Variants in ALDH16A1 observed in about 807,000 individuals in gnomAD.
The protein encoded by ALDH16A1 is aldehyde dehydrogenase family 16 member A1.
In ALDH16A1, 88 loss-of-function variants were observed where a neutral mutation model predicts 96.1. The ratio of observed to expected loss-of-function variants is 0.92; its 90% CI spans 0.77 to 1.09. ALDH16A1 has a LOEUF of 1.09. Among genes scored for constraint, ALDH16A1 ranks in the 50% least tolerant of loss-of-function variants. The pLI is 0.00. For missense variants in ALDH16A1, 1,250 were observed against 1,112.6 expected (o/e 1.12, Z -1.76); for synonymous variants, 522 against 496.4 (o/e 1.05, Z -0.69).
chr19:49,453,265 C>A lies in ALDH16A1; in HGVS notation c.-67C>A. On this transcript the variant is annotated 5_prime_UTR_variant, in exon 1 of 17. Coordinates refer to ENST00000293350, the MANE Select transcript of ALDH16A1 (RefSeq NM_153329.4). Reference sequence around the variant, plus strand: ...GGCTGGAACCGGAGGTGTCGCTCTTCGGACCTCAAGGTTCCCCTTAACACA... The same window carrying A: ...GGCTGGAACCGGAGGTGTCGCTCTTAGGACCTCAAGGTTCCCCTTAACACA... The A allele has an allele frequency of 7.1e-7, 1 of 1,410,408 alleles. No homozygotes were observed. Among genetic ancestry groups the A allele is most frequent in the Non-Finnish European group, 9.5e-7 (1 of 1,050,756 alleles). The allele number at this position is 1,410,408 out of a possible 1,614,324, so 87.4% of individuals were successfully genotyped here.
Position 49,468,899 on chromosome 19 carries a change from CGTG to C in ALDH16A1, c.2164_2166del (p.Val722del). 6.2e-7 allele frequency: 1 copy of C among 1,614,006 alleles called. No individual in the cohort carries two copies. Among genetic ancestry groups the C allele is most frequent in the Non-Finnish European group, 8.5e-7 (1 of 1,180,002 alleles). ...CCGTGTTCCCAGCAGGCCTGGCCAA[CGTG>C]GTGACAGGAGACCGGGACCATCTGA... On this transcript the variant is annotated inframe_deletion, in exon 16 of 17. Transcript: ENST00000293350. The surrounding 1 kb of genome is among the most constrained non-coding windows in gnomAD (Gnocchi z 4.4).
rs776172585 is a variant in ALDH16A1, at chr19:49,464,629, CAG to C, written c.1438-2_1438-1del. ...CATCCTCTTGACACCGTCCCTCTCA[CAG>C]GGGCTGTATGAGTATCTGCGGCCCT... On this transcript the variant is annotated splice_acceptor_variant, in intron 11 of 16. Coordinates refer to ENST00000293350, the MANE Select transcript of ALDH16A1 (RefSeq NM_153329.4). LOFTEE classifies it high-confidence loss of function. The C allele has an allele frequency of 3.1e-6, 5 of 1,614,136 alleles. No individual in the cohort carries two copies. The highest frequency in any genetic ancestry group is 3.4e-6 in the Non-Finnish European group (4 of 1,180,006).
chr19:49,461,005 C>T, intron 5 of ALDH16A1, 106 bp downstream of exon 5: 1 of 1,252,356 alleles, frequency 8.0e-7, no homozygotes, highest in Non-Finnish European at 1.2e-6. Context: ...GGCCTGGACT[C>T]TGTGGAAGGA....
In ALDH16A1 at chr19:49,468,093, G is replaced by A. The variant is rs1245221737; in HGVS notation, c.1939-288G>A. Among the ~76,000 whole-genome samples the A allele has an allele frequency of 2.7e-5, 4 of 150,780 alleles. No homozygotes were observed. The highest frequency in any genetic ancestry group is 3.9e-4 in the East Asian group (2 of 5,146). On this transcript the variant is annotated intron_variant, in intron 14 of 16. Coordinates refer to ENST00000293350, the MANE Select transcript of ALDH16A1 (RefSeq NM_153329.4). This position sits in a 1 kb window ranked among gnomAD's most constrained non-coding sequence, Gnocchi z 4.4. ...GAGAATGGCGTGAACCCGGGAGGCG[G>A]AGGTTGCAGTGAGCCAAGATCGCAC...
At chr19:49,467,747 C>T (rs1164552895) in intron 14 of ALDH16A1, among the ~76,000 whole-genome samples, 1 of 151,812 alleles carries the variant, frequency 6.6e-6, no homozygotes, top group Admixed American at 6.6e-5. Flanking sequence ...GTGCAGAACG[C>T]GCAGGCTTGT....
Position 49,459,379 on chromosome 19 carries a change from A to G in ALDH16A1, c.321-291A>G, listed in dbSNP as rs2079124466. 6.6e-6 allele frequency among the ~76,000 whole-genome samples: 1 copy of G among 152,212 alleles called. No homozygotes were observed. Among genetic ancestry groups the G allele is most frequent in the African/African-American group, 2.4e-5 (1 of 41,454 alleles). On this transcript the variant is annotated intron_variant, in intron 3 of 16. Transcript: ENST00000293350. This position sits in a 1 kb window ranked among gnomAD's most constrained non-coding sequence, Gnocchi z 4.1. ...TCCATTTCCTAGCCGCTTGCGGGGA[A>G]GCTAGAGACAAAAATTCCATTTCCC...
chr19:49,461,434 G>GA lies in ALDH16A1; in HGVS notation c.578-185_578-184insA, dbSNP rs1269597064. ...CTGGGTCTGAGGGAGGAGGGGCTGG[G>GA]CCTGGACTCCGGGGTCTGAGGGAGG... is the stretch of plus-strand genomic sequence containing the variant. On this transcript the variant is annotated intron_variant, in intron 5 of 16. Transcript: ENST00000293350. Among the ~76,000 whole-genome samples the GA allele has an allele frequency of 3.0e-3, 148 of 49,598 alleles. 2 individuals carry two copies. The highest frequency in any genetic ancestry group is 4.5e-3 in the African/African-American group (53 of 11,882). 32.5% of individuals were successfully genotyped at this position (49,598 alleles called of 152,430 possible).
intron 9 of ALDH16A1, 42 bp from the exon 10 acceptor site, chr19:49,464,085 G>T (rs369745354): frequency 1.5e-4 from 235 of 1,593,380 alleles, no homozygotes; most frequent in Non-Finnish European, 1.9e-4. Context: ...TTCCCTGGTG[G>T]GTGGGCCCTG....
In ALDH16A1 at chr19:49,464,255, G is replaced by A; in HGVS notation, c.1323G>A (p.Leu441=). Reference sequence around the variant, plus strand: ...AGAGGCTGGGGCAGGCGCTGGAGCTGGGCTATGGGTCAGTCTGCGTGGCCC... The same window carrying A: ...AGAGGCTGGGGCAGGCGCTGGAGCTAGGCTATGGGTCAGTCTGCGTGGCCC... ...WSERLGQALE[L]GYGLQVGTVW... Residue 441 remains leucine, a synonymous_variant, in exon 10 of 17, where the codon CTG becomes CTA. Coordinates refer to ENST00000293350, the MANE Select transcript of ALDH16A1 (RefSeq NM_153329.4). The A allele has an allele frequency of 7.5e-6, 12 of 1,602,316 alleles. No individual in the cohort carries two copies. Among genetic ancestry groups the A allele is most frequent in the Non-Finnish European group, 1.0e-5 (12 of 1,179,296 alleles).
In ALDH16A1 at chr19:49,464,469, G is replaced by A. The variant is rs761695664; in HGVS notation, c.1384G>A (p.Val462Met). The A allele has an allele frequency of 3.1e-6, 5 of 1,612,474 alleles. No individual in the cohort carries two copies. Among genetic ancestry groups the A allele is most frequent in the Non-Finnish European group, 4.2e-6 (5 of 1,179,510 alleles). ...INAHGLRDPS[V>M]PTGGCKESGC... ...CGCCCACGGCCTCAGAGACCCTTCG[G>A]TGCCCACAGGCGGCTGCAAGGAGAG... Residue 462 changes from valine (V) to methionine (M), a missense_variant, in exon 11 of 17, where the codon GTG becomes ATG. By Grantham distance (21) the Val-to-Met change is conservative. Coordinates refer to ENST00000293350, the MANE Select transcript of ALDH16A1 (RefSeq NM_153329.4).
In ALDH16A1 at chr19:49,459,179, G is replaced by A; in HGVS notation, c.320+93G>A. On this transcript the variant is annotated intron_variant, in intron 3 of 16. Transcript: ENST00000293350. The surrounding 1 kb of genome is among the most constrained non-coding windows in gnomAD (Gnocchi z 4.1). The stretch of plus-strand genomic sequence containing the variant: ...AAAGGCTATTTCCCAAGATCCCACT[G>A]AATTAATTTGCAGCTAAGGCTCAGA... 3.0e-5 allele frequency: 46 copies of A among 1,517,382 alleles called. No individual in the cohort carries two copies. The highest frequency in any genetic ancestry group is 3.9e-5 in the Non-Finnish European group (44 of 1,133,686). 94.0% of individuals were successfully genotyped at this position (1,517,382 alleles called of 1,614,324 possible). A position where few individuals can be genotyped will look rare whatever the true frequency, so the allele number is the denominator to read the frequency against.
chr19:49,469,161 C>T, intron 16 of ALDH16A1, 175 bp downstream of exon 16: 1 of 952,232 alleles, frequency 1.1e-6, no homozygotes, highest in Non-Finnish European at 1.5e-6. Flanking sequence ...AAGAGGCTGT[C>T]CTTAGCAACA....
At position 49,463,873 on chromosome 19, in the gene ALDH16A1, T is replaced by A. The variant is rs1356451123; in HGVS notation, c.1118T>A (p.Val373Glu). ...CCCTAGGTGTTCCAGGCTGGTGATGTGCCTTCGGAACGCCCATTCTATCCC... is the reference window on the plus strand; with the variant it reads ...CCCTAGGTGTTCCAGGCTGGTGATGAGCCTTCGGAACGCCCATTCTATCCC... ...QGAQVFQAGD[V>E]PSERPFYPPT... Residue 373 changes from valine to glutamate, a missense_variant, in exon 9 of 17, where the codon GTG becomes GAG. By Grantham distance (121) the Val-to-Glu change is moderately radical. Transcript: ENST00000293350. 1 of 1,613,370 alleles carries A rather than the reference T, an allele frequency of 6.2e-7. No homozygotes were observed. Among genetic ancestry groups the A allele is most frequent in the East Asian group, 2.2e-5 (1 of 44,888 alleles).
At chr19:49,455,596 T>TG (rs1403651014) in intron 1 of ALDH16A1, among the ~76,000 whole-genome samples, 1 of 150,390 alleles carries the variant, frequency 6.6e-6, no homozygotes, top group Non-Finnish European at 1.5e-5. Context: ...CTGTCCCCCC[T>TG]GAAAAAAAAA....
At chr19:49,466,008 C>G in intron 13 of ALDH16A1, 74 bp from the exon 14 acceptor site, 1 of 1,539,210 alleles carries the variant, frequency 6.5e-7, no homozygotes, top group East Asian at 2.4e-5. Flanking sequence ...AGGGTAGGGG[C>G]TGTGGACAGA....
chr19:49,462,894 T>A lies in ALDH16A1; in HGVS notation c.1098+139T>A, dbSNP rs1436719145. 75 of 586,672 alleles carry A rather than the reference T, an allele frequency of 1.3e-4. No individual in the cohort carries two copies. The African/African-American group carries it at 1.6e-3, about 12-fold the overall frequency. The allele number at this position is 586,672 out of a possible 1,614,324, so 36.3% of individuals were successfully genotyped here. On this transcript the variant is annotated intron_variant, in intron 8 of 16. Transcript: ENST00000293350. ...GGGGCTGGGAGCCTGGACTCCTGGG[T>A]CTGAAGGAGGAGGGGCTGGGCCTGG... is the stretch of plus-strand genomic sequence containing the variant.
intron 1 of ALDH16A1, 139 bp downstream of exon 1, chr19:49,453,560 A>G: frequency 1.2e-6 from 1 of 807,996 alleles, no homozygotes; most frequent in Non-Finnish European, 1.9e-6. Flanking sequence ...GCCGCCCAAT[A>G]GGATCGCGCC....
chr19:49,453,809 C>T (rs1216164621), intron 1 of ALDH16A1, among the ~76,000 whole-genome samples: 1 of 152,058 alleles, frequency 6.6e-6, no homozygotes, highest in East Asian at 1.9e-4. Context: ...CTTTCCACGA[C>T]TCTTCAAAAC....
chr19:49,462,651 AG>A lies in ALDH16A1; in HGVS notation c.995del (p.Ser332MetfsTer170). On this transcript the variant is annotated frameshift_variant, in exon 8 of 17. Coordinates refer to ENST00000293350, the MANE Select transcript of ALDH16A1 (RefSeq NM_153329.4). LOFTEE classifies it high-confidence loss of function. ...GCAGGAGCGGATGGGGCGGCTTCGG[AG>A]TGGCCGAGGGCTGGATGGGGCCGTG... ...RLQERMGRLR[S>X]GRGLDGAVDM... 6.2e-7 allele frequency: 1 copy of A among 1,612,240 alleles called. No individual in the cohort carries two copies. The highest frequency in any genetic ancestry group is 2.2e-5 in the East Asian group (1 of 44,846).
Sources: gnomAD v4.1 joint callset for allele counts (sites outside exome capture counted in the v4.1 genomes callset) on GRCh38, gnomAD v4.1.1 for gene constraint, Gnocchi (gnomAD v3.1) non-coding constraint, MANE v1.5 for transcripts, NCBI Gene and HGNC (gene_info 2026-07-23, HGNC 2026-07-21) for gene names.